ALDH1A2: variants seen among roughly 807,000 people sequenced by gnomAD.
ALDH1A2 encodes the protein aldehyde dehydrogenase 1 family member A2, also known as retinal dehydrogenase 2.
In ALDH1A2, 27 loss-of-function variants were observed where a neutral mutation model predicts 60.3. That is an observed-to-expected ratio of 0.45 (90% CI 0.33 to 0.62). The LOEUF is 0.62. Ranked by LOEUF, ALDH1A2 falls within the 20% of genes least tolerant of loss-of-function variation. ALDH1A2 has a pLI of 0.02. For missense variants in ALDH1A2, 581 were observed against 643.8 expected (o/e 0.90, Z 1.06); for synonymous variants, 289 against 232.4 (o/e 1.24, Z -2.21).
chr15:58,014,003 T>TA lies in ALDH1A2; in HGVS notation c.223-6dup, dbSNP rs531169877. 4.2e-4 allele frequency: 680 copies of TA among 1,614,026 alleles called. 3 individuals are homozygous for TA. In the South Asian group the frequency reaches 7.1e-3, roughly 17 times the overall value. ...CACTGCTTTGTCTATATCTGCCTGT[T>TA]AGAGAGGAAGAGGCACAACTGAAGA... is the stretch of plus-strand genomic sequence containing the variant. On this transcript the variant is annotated splice_polypyrimidine_tract_variant and splice_region_variant and intron_variant, in intron 2 of 12. Coordinates refer to ENST00000249750, the MANE Select transcript of ALDH1A2 (RefSeq NM_003888.4).
At chr15:58,024,205 C>A (rs1896010780) in intron 1 of ALDH1A2, among the ~76,000 whole-genome samples, 1 of 151,844 alleles carries the variant, frequency 6.6e-6, no homozygotes, top group Admixed American at 6.6e-5. Context: ...CTACAGGAAT[C>A]CAAACTACAG....
chr15:58,039,728 T>G (rs1162947012), intron 1 of ALDH1A2, among the ~76,000 whole-genome samples: 3 of 151,762 alleles, frequency 2.0e-5, no homozygotes, highest in Non-Finnish European at 4.4e-5. Context: ...TAGGGCTAGT[T>G]AAGTGACTCA....
chr15:58,017,239 C>T (rs1895813855), intron 1 of ALDH1A2, among the ~76,000 whole-genome samples: 1 of 152,142 alleles, frequency 6.6e-6, no homozygotes, highest in Non-Finnish European at 1.5e-5. Context: ...GACCATCCTG[C>T]TCTGATAAAA....
intron 7 of ALDH1A2, among the ~76,000 whole-genome samples, chr15:57,982,447 G>A (rs1237269486): frequency 6.6e-6 from 1 of 152,170 alleles, no homozygotes; most frequent in Admixed American, 6.5e-5. Flanking sequence ...AAACTATAGA[G>A]TTGTGATATA....
At chr15:57,992,478 A>G (rs1374158544) in intron 7 of ALDH1A2, among the ~76,000 whole-genome samples, 1 of 152,226 alleles carries the variant, frequency 6.6e-6, no homozygotes, top group Non-Finnish European at 1.5e-5. Context: ...TAGTTCTTAC[A>G]CAGATGGTAT....
chr15:58,035,193 A>G (rs1896346467), intron 1 of ALDH1A2, among the ~76,000 whole-genome samples: 1 of 151,682 alleles, frequency 6.6e-6, no homozygotes, highest in African/African-American at 2.4e-5. Flanking sequence ...GCATCTTTCA[A>G]TGAATTGGCC....
intron 5 of ALDH1A2, among the ~76,000 whole-genome samples, chr15:57,994,339 T>C (rs933606491): frequency 1.3e-5 from 2 of 152,220 alleles, no homozygotes; most frequent in Admixed American, 6.5e-5. Context: ...ATGCCAAAGA[T>C]TATCTTGAGT....
intron 1 of ALDH1A2, among the ~76,000 whole-genome samples, chr15:58,028,749 A>G (rs925613435): frequency 5.3e-5 from 8 of 152,196 alleles, no homozygotes; most frequent in African/African-American, 1.7e-4. Flanking sequence ...AGGGGTTGCA[A>G]TCCCAGTCTG....
In ALDH1A2 at chr15:58,064,584, T is replaced by C. The variant is rs1199747807; in HGVS notation, c.117+950A>G. 4.6e-5 allele frequency among the ~76,000 whole-genome samples: 7 copies of C among 152,262 alleles called. No homozygotes were observed. In the South Asian group the frequency reaches 6.2e-4, roughly 14 times the overall value. ...TTTGCGTTAATTGGGAGAAGTTGAG[T>C]GTAGAAATGTACCGAAAGGACTAGA... On this transcript the variant is annotated intron_variant, in intron 1 of 12. Coordinates refer to ENST00000249750, the MANE Select transcript of ALDH1A2 (RefSeq NM_003888.4).
chr15:58,033,819 G>T (rs1896307630), intron 1 of ALDH1A2, among the ~76,000 whole-genome samples: 1 of 148,054 alleles, frequency 6.8e-6, no homozygotes, highest in Non-Finnish European at 1.5e-5. Context: ...GTATTTCTTG[G>T]TTCTCTTCTC....
intron 7 of ALDH1A2, among the ~76,000 whole-genome samples, chr15:57,986,374 G>C (rs540302915): frequency 6.6e-6 from 1 of 152,102 alleles, no homozygotes; most frequent in East Asian, 1.9e-4. Context: ...AAGGATTTCA[G>C]CTTATTAATA....
chr15:58,045,264 G>A (rs1488643612), intron 1 of ALDH1A2, among the ~76,000 whole-genome samples: 3 of 151,962 alleles, frequency 2.0e-5, no homozygotes, highest in African/African-American at 7.2e-5. Flanking sequence ...GAGAGGAGGT[G>A]GAGAAACAGG....
At chr15:58,064,149 G>A (rs1158989047) in intron 1 of ALDH1A2, among the ~76,000 whole-genome samples, 1 of 152,028 alleles carries the variant, frequency 6.6e-6, no homozygotes, top group Non-Finnish European at 1.5e-5. Flanking sequence ...GAAGAGGTTA[G>A]AGACCCTCAT....
intron 4 of ALDH1A2, among the ~76,000 whole-genome samples, chr15:58,009,292 G>GT (rs1680396169): frequency 6.6e-6 from 1 of 151,826 alleles, no homozygotes; most frequent in South Asian, 2.1e-4. Flanking sequence ...GACATGCAGA[G>GT]TCTCAGGCCC....
intron 1 of ALDH1A2, among the ~76,000 whole-genome samples, chr15:58,027,054 G>A (rs1896099245): frequency 6.6e-6 from 1 of 152,202 alleles, no homozygotes; most frequent in Non-Finnish European, 1.5e-5. Context: ...TGAGCTATGA[G>A]AATGGACAAA....
intron 4 of ALDH1A2, among the ~76,000 whole-genome samples, chr15:58,009,177 T>C (rs1336018315): frequency 2.0e-5 from 3 of 152,086 alleles, no homozygotes; most frequent in Non-Finnish European, 4.4e-5. Flanking sequence ...AAATTATTCT[T>C]ACCCTTGTCA....
chr15:57,972,992 G>A (rs1010520538), intron 7 of ALDH1A2, among the ~76,000 whole-genome samples: 3 of 152,116 alleles, frequency 2.0e-5, no homozygotes, highest in Non-Finnish European at 4.4e-5. Flanking sequence ...ATCTCACTTA[G>A]GAAATAAAAG....
chr15:58,047,370 A>G (rs1896662828), intron 1 of ALDH1A2, among the ~76,000 whole-genome samples: 1 of 152,038 alleles, frequency 6.6e-6, no homozygotes, highest in African/African-American at 2.4e-5. Flanking sequence ...CCAGACAGCA[A>G]ATCAATATCC....
chr15:57,983,938 A>C (rs186817049), intron 7 of ALDH1A2, among the ~76,000 whole-genome samples: 1 of 152,372 alleles, frequency 6.6e-6, no homozygotes, highest in Non-Finnish European at 1.5e-5. Flanking sequence ...GAATTTAAAG[A>C]GGCTAAAGAT....
Sources: gnomAD v4.1 joint callset for allele counts (sites outside exome capture counted in the v4.1 genomes callset) on GRCh38, gnomAD v4.1.1 for gene constraint, MANE v1.5 for transcripts, NCBI Gene and HGNC (gene_info 2026-07-23, HGNC 2026-07-21) for gene names.